The following BMPR1B variants were observed in gnomAD, a reference collection of about 807,000 sequenced individuals.
The protein encoded by BMPR1B is bone morphogenetic protein receptor type 1B.
Under a neutral mutation model 59.1 loss-of-function variants are expected in BMPR1B, and 12 were observed. That is an observed-to-expected ratio of 0.20 (90% CI 0.13 to 0.33). The LOEUF (loss-of-function observed/expected upper bound fraction) is 0.33, where lower values mean the gene tolerates loss of function less well. Among genes scored for constraint, BMPR1B ranks in the 10% least tolerant of loss-of-function variants. The pLI is 1.00. For synonymous variants in BMPR1B, 237 were observed against 207.3 expected, an observed-to-expected ratio of 1.14 and a Z score of -1.23; for missense variants, 550 against 610.9, an observed-to-expected ratio of 0.90 and a Z score of 1.05.
At chr4:94,901,820 A>G (rs1024299544) in intron 2 of BMPR1B, among the ~76,000 whole-genome samples, 3 of 151,946 alleles carry the variant, frequency 2.0e-5, no homozygotes, top group African/African-American at 7.2e-5. Context: ...TTCCATAGCT[A>G]TGCATCTGCC....
chr4:94,965,487 C>T (rs1023224835), intron 2 of BMPR1B, among the ~76,000 whole-genome samples: 1 of 152,114 alleles, frequency 6.6e-6, no homozygotes, highest in Non-Finnish European at 1.5e-5. Context: ...ATTCCAAAGA[C>T]TCCATGCAAA....
intron 10 of BMPR1B, among the ~76,000 whole-genome samples, chr4:95,140,747 T>A (rs552267648): frequency 6.6e-6 from 1 of 152,252 alleles, no homozygotes; most frequent in Non-Finnish European, 1.5e-5. Context: ...ACATAGTGAG[T>A]TACCCATTAT....
intron 2 of BMPR1B, among the ~76,000 whole-genome samples, chr4:94,905,039 GATAA>G (rs1727984985): frequency 2.0e-5 from 3 of 151,908 alleles, no homozygotes; most frequent in Non-Finnish European, 4.4e-5. Context: ...AATTGTTTTG[GATAA>G]ATTATTTGAA....
chr4:94,801,790 C>T (rs1243614036), intron 1 of BMPR1B, among the ~76,000 whole-genome samples: 1 of 152,116 alleles, frequency 6.6e-6, no homozygotes, highest in Non-Finnish European at 1.5e-5. Context: ...AGGAAACTTT[C>T]CTTATTCTTT....
intron 1 of BMPR1B, among the ~76,000 whole-genome samples, chr4:94,797,460 C>G (rs367682431): frequency 2.0e-5 from 3 of 152,208 alleles, no homozygotes; most frequent in African/African-American, 7.2e-5. Context: ...ATTCTGTAAA[C>G]TGAGGTAATG....
Position 95,112,997 on chromosome 4 carries a change from C to T in BMPR1B, c.144-1723C>T, listed in dbSNP as rs570768386. On this transcript the variant is annotated intron_variant, in intron 4 of 12. Transcript: ENST00000515059. ...ATAAAATTAGGATGACCATATTTTC[C>T]GGTAATTTTTGAATTTTGATTTAGA... 3.2e-3 allele frequency among the ~76,000 whole-genome samples: 486 copies of T among 151,942 alleles called. 3 individuals carry two copies. Among genetic ancestry groups the T allele is most frequent in the Admixed American group, 0.019 (282 of 15,220 alleles).
intron 1 of BMPR1B, among the ~76,000 whole-genome samples, chr4:94,815,915 C>G (rs977077301): frequency 6.6e-6 from 1 of 152,030 alleles, no homozygotes; most frequent in Non-Finnish European, 1.5e-5. Flanking sequence ...ATTTTTATTA[C>G]TTTTGTGTGA....
chr4:94,925,791 T>A (rs1728861978), intron 2 of BMPR1B, among the ~76,000 whole-genome samples: 2 of 152,176 alleles, frequency 1.3e-5, no homozygotes, highest in African/African-American at 4.8e-5. Flanking sequence ...TTTTTAAAGC[T>A]GAATGAGTTG....
intron 1 of BMPR1B, among the ~76,000 whole-genome samples, chr4:94,840,462 T>A (rs979945590): frequency 6.8e-6 from 1 of 147,544 alleles, no homozygotes; most frequent in Non-Finnish European, 1.5e-5. Flanking sequence ...TGCTCATTTC[T>A]TTTTATTCTT....
intron 2 of BMPR1B, among the ~76,000 whole-genome samples, chr4:94,906,099 T>G (rs1372060249): frequency 6.6e-6 from 1 of 152,012 alleles, no homozygotes; most frequent in Non-Finnish European, 1.5e-5. Context: ...TTTTCTTCTG[T>G]GAATAGTGTT....
At chr4:94,863,939 G>A (rs945226519) in intron 1 of BMPR1B, among the ~76,000 whole-genome samples, 11 of 152,202 alleles carry the variant, frequency 7.2e-5, no homozygotes, top group African/African-American at 2.7e-4. Flanking sequence ...ACACAATAAT[G>A]TGTGATTGTC....
intron 3 of BMPR1B, among the ~76,000 whole-genome samples, chr4:95,074,593 G>C (rs1292785352): frequency 2.0e-5 from 3 of 151,890 alleles, no homozygotes; most frequent in Non-Finnish European, 2.9e-5. Context: ...CAGCTACCTT[G>C]GACTGCAGCT....
chr4:95,012,671 A>C (rs1382906598), intron 3 of BMPR1B, among the ~76,000 whole-genome samples: 1 of 152,180 alleles, frequency 6.6e-6, no homozygotes, highest in Non-Finnish European at 1.5e-5. Flanking sequence ...TACGTATTGC[A>C]TAAACAAACT....
At chr4:95,004,441 A>T (rs760669162) in intron 3 of BMPR1B, among the ~76,000 whole-genome samples, 1 of 152,168 alleles carries the variant, frequency 6.6e-6, no homozygotes, top group African/African-American at 2.4e-5. Context: ...TATTTGTAAT[A>T]TTATGCATCA....
At chr4:94,862,990 C>T (rs1003881783) in intron 1 of BMPR1B, among the ~76,000 whole-genome samples, 161 of 145,056 alleles carry the variant, frequency 1.1e-3, no homozygotes, top group African/African-American at 3.4e-3. Flanking sequence ...TGGTGGTGGG[C>T]GCCTGTAATC....
chr4:94,996,712 G>A (rs1039872940), intron 3 of BMPR1B, among the ~76,000 whole-genome samples: 3 of 152,138 alleles, frequency 2.0e-5, no homozygotes, highest in African/African-American at 7.2e-5. Flanking sequence ...CCTAATCCAC[G>A]GTGCCAAAGG....
Position 94,941,618 on chromosome 4 carries a change from TAAAAG to T in BMPR1B, c.-112-54418_-112-54414del, listed in dbSNP as rs530454257. On this transcript the variant is annotated intron_variant, in intron 2 of 12. Transcript: ENST00000515059. Reference sequence around the variant, plus strand: ...AGGTTAGCAGGTGGTGTTGGCAACTTAAAAGAAAGAAAATTATCATTTTACAGGAC... The same window carrying T: ...AGGTTAGCAGGTGGTGTTGGCAACTTAAAGAAAATTATCATTTTACAGGAC... 6.2e-3 allele frequency among the ~76,000 whole-genome samples: 948 copies of T among 152,252 alleles called. 4 individuals carry two copies. Among genetic ancestry groups the T allele is most frequent in the Admixed American group, 9.2e-3 (140 of 15,292 alleles).
chr4:94,993,082 G>A (rs723170), intron 2 of BMPR1B, among the ~76,000 whole-genome samples: 78,348 of 151,860 alleles, frequency 0.52, 20,873 homozygotes, highest in South Asian at 0.65. Flanking sequence ...GTAGAGACAA[G>A]GTCTTGCTAT....
chr4:95,081,962 TA>T (rs1290889216), intron 3 of BMPR1B, among the ~76,000 whole-genome samples: 3 of 152,130 alleles, frequency 2.0e-5, no homozygotes, highest in Non-Finnish European at 4.4e-5. Flanking sequence ...ATGGGTTTAT[TA>T]TTTTTTAAAA....
Sources: allele counts gnomAD v4.1 joint callset (sites outside exome capture counted in the v4.1 genomes callset), GRCh38; gene constraint gnomAD v4.1.1; transcripts MANE v1.5; gene names NCBI Gene and HGNC (gene_info 2026-07-23, HGNC 2026-07-21).